Variants in MKLN1 observed in about 807,000 individuals in gnomAD.
MKLN1 encodes muskelin 1.
In MKLN1, 18 loss-of-function variants were observed where a neutral mutation model predicts 99.0. The ratio of observed to expected loss-of-function variants is 0.18; its 90% CI spans 0.13 to 0.27. MKLN1 has a LOEUF of 0.27. MKLN1 is among the 10% of genes least tolerant of loss of function. The probability of loss-of-function intolerance (pLI) is 1.00; values close to 1 mark genes in which losing one functional copy is unlikely to be tolerated. For missense variants in MKLN1, 621 were observed against 875.9 expected, an observed-to-expected ratio of 0.71 and a Z score of 3.67; for synonymous variants, 288 against 293.2, an observed-to-expected ratio of 0.98 and a Z score of 0.18.
At chr7:131,363,289 C>A (rs1216475911) in intron 1 of MKLN1, among the ~76,000 whole-genome samples, 1 of 151,380 alleles carries the variant, frequency 6.6e-6, no homozygotes, top group Non-Finnish European at 1.5e-5. Context: ...CTGAATAGAC[C>A]CCTTTAAATG....
Position 131,113,667 on chromosome 7 carries a change from CAAAAA to C in MKLN1, c.-419+3476_-419+3480del, listed in dbSNP as rs71168363. Among the ~76,000 whole-genome samples the C allele has an allele frequency of 8.6e-3, 832 of 96,472 alleles. 6 individuals are homozygous for C. The highest frequency in any genetic ancestry group is 0.029 in the African/African-American group (804 of 27,908). 63.3% of individuals were successfully genotyped at this position (96,472 alleles called of 152,430 possible). ...TGAAACCCCTGTCTCTACAAAAATA[CAAAAA>C]AAAAAAAAAAAAAAATTAGCCAGGC... On this transcript the variant is annotated intron_variant, in intron 1 of 7. Transcript: ENST00000416992.
chr7:131,174,272 C>G (rs1476119472), intron 2 of MKLN1, among the ~76,000 whole-genome samples: 3 of 152,102 alleles, frequency 2.0e-5, no homozygotes, highest in African/African-American at 7.2e-5. Flanking sequence ...GCGCCCCACC[C>G]TTTAAAGACT....
At chr7:131,401,449 G>C (rs1289623689) in intron 6 of MKLN1, among the ~76,000 whole-genome samples, 6 of 152,120 alleles carry the variant, frequency 3.9e-5, no homozygotes, top group Non-Finnish European at 8.8e-5. Context: ...CCTTTGCTGA[G>C]CTTATCTTAT....
chr7:131,340,125 A>G (rs543598693), intron 1 of MKLN1, among the ~76,000 whole-genome samples: 70 of 152,052 alleles, frequency 4.6e-4, no homozygotes, highest in African/African-American at 1.6e-3. Context: ...ACTCCTGTTT[A>G]TTCTCGAGCT....
intron 3 of MKLN1, among the ~76,000 whole-genome samples, chr7:131,278,315 G>C (rs1798004043): frequency 6.6e-6 from 1 of 152,108 alleles, no homozygotes; most frequent in Admixed American, 6.6e-5. Context: ...TGGGATTACA[G>C]GTATGAGCCA....
At chr7:131,426,620 A>G (rs1167349424) in intron 8 of MKLN1, among the ~76,000 whole-genome samples, 1 of 152,190 alleles carries the variant, frequency 6.6e-6, no homozygotes, top group East Asian at 1.9e-4. Flanking sequence ...AAAGTGTTTT[A>G]TGTACTGAAT....
At position 131,156,624 on chromosome 7, in the gene MKLN1, G is replaced by A. The variant is rs140826751; in HGVS notation, c.-297+13683G>A. On this transcript the variant is annotated intron_variant, in intron 2 of 7. Transcript: ENST00000416992. ...TATAATAAAGTGTTGAATTTCTCATGTAATTTACTGACTACTGTATTGCAA... is the reference window on the plus strand; with the variant it reads ...TATAATAAAGTGTTGAATTTCTCATATAATTTACTGACTACTGTATTGCAA... 5.9e-5 allele frequency among the ~76,000 whole-genome samples: 9 copies of A among 152,222 alleles called. No homozygotes were observed. In the East Asian group the frequency reaches 1.7e-3, roughly 29 times the overall value.
At chr7:131,157,913 G>C (rs1795992259) in intron 2 of MKLN1, among the ~76,000 whole-genome samples, 1 of 152,126 alleles carries the variant, frequency 6.6e-6, no homozygotes, top group Admixed American at 6.5e-5. Flanking sequence ...GGTTTCCGGA[G>C]CCTATTAAGG....
chr7:131,240,128 C>T (rs922563775), intron 3 of MKLN1, among the ~76,000 whole-genome samples: 2 of 152,070 alleles, frequency 1.3e-5, no homozygotes, highest in Non-Finnish European at 2.9e-5. Flanking sequence ...CTGCAGTGAG[C>T]CGTGATCATG....
chr7:131,367,922 A>G (rs1284884343), intron 1 of MKLN1, among the ~76,000 whole-genome samples: 1 of 152,206 alleles, frequency 6.6e-6, no homozygotes, highest in Non-Finnish European at 1.5e-5. Context: ...TTGAATTGAT[A>G]TCATGATTGA....
chr7:131,133,406 G>C (rs1171751082), intron 1 of MKLN1, among the ~76,000 whole-genome samples: 1 of 124,188 alleles, frequency 8.1e-6, no homozygotes, highest in Non-Finnish European at 1.6e-5. Flanking sequence ...CCAGGCTGGA[G>C]TGCAGTGGCG....
chr7:131,131,483 C>T (rs1180942210), intron 1 of MKLN1, among the ~76,000 whole-genome samples: 1 of 152,214 alleles, frequency 6.6e-6, no homozygotes, highest in Non-Finnish European at 1.5e-5. Context: ...TGCAAAAACG[C>T]TTTTCATTCA....
intron 12 of MKLN1, among the ~76,000 whole-genome samples, chr7:131,456,036 ACT>A (rs1398079740): frequency 3.4e-5 from 3 of 87,992 alleles, no homozygotes; most frequent in Admixed American, 1.4e-4. Flanking sequence ...ACAGAGTGAG[ACT>A]CTGTCTCCAA....
intron 3 of MKLN1, chr7:131,285,250 G>T (rs1303166092): frequency 6.6e-6 from 1 of 152,374 alleles, no homozygotes; most frequent in Non-Finnish European, 1.5e-5. Context: ...AGGCAGAGTT[G>T]TTCCCTGAGG....
At chr7:131,133,695 C>T (rs1487827183) in intron 1 of MKLN1, among the ~76,000 whole-genome samples, 1 of 150,578 alleles carries the variant, frequency 6.6e-6, no homozygotes, top group Non-Finnish European at 1.5e-5. Flanking sequence ...ACTATGTTGA[C>T]CAGGCTAGTC....
chr7:131,259,964 G>T (rs1797709388), intron 3 of MKLN1, among the ~76,000 whole-genome samples: 1 of 152,126 alleles, frequency 6.6e-6, no homozygotes, highest in Non-Finnish European at 1.5e-5. Context: ...CATAGTGTCT[G>T]CCCAAAAGCT....
rs1439664356 is a variant in MKLN1, at chr7:131,496,116, A to C, written c.*8388A>C. Reference sequence around the variant, plus strand: ...ATTAGCTGAGATTCACACATTTTGCACCTCAGTAGTATTTCAGATGAGACT... The same window carrying C: ...ATTAGCTGAGATTCACACATTTTGCCCCTCAGTAGTATTTCAGATGAGACT... On this transcript the variant is annotated 3_prime_UTR_variant, in exon 18 of 18. Coordinates refer to ENST00000352689, the MANE Select transcript of MKLN1 (RefSeq NM_013255.5). 1 of 152,086 alleles carries C rather than the reference A, an allele frequency of 6.6e-6. No individual in the cohort carries two copies. Among genetic ancestry groups the C allele is most frequent in the Non-Finnish European group, 1.5e-5 (1 of 68,030 alleles). 9.4% of individuals were successfully genotyped at this position (152,086 alleles called of 1,614,324 possible). A position where few individuals can be genotyped will look rare whatever the true frequency, so the allele number is the denominator to read the frequency against.
intron 3 of MKLN1, among the ~76,000 whole-genome samples, chr7:131,308,923 C>A (rs1265373619): frequency 1.3e-5 from 2 of 152,166 alleles, no homozygotes; most frequent in African/African-American, 4.8e-5. Context: ...TGGACGAATA[C>A]AGATTTTACT....
At chr7:131,174,945 C>T (rs1360274114) in intron 2 of MKLN1, among the ~76,000 whole-genome samples, 2 of 147,582 alleles carry the variant, frequency 1.4e-5, no homozygotes, top group Non-Finnish European at 3.0e-5. Flanking sequence ...TCCCTGATAA[C>T]TGGTAGATGA....
Sources: allele counts gnomAD v4.1 joint callset (sites outside exome capture counted in the v4.1 genomes callset), GRCh38; gene constraint gnomAD v4.1.1; transcripts MANE v1.5; gene names NCBI Gene and HGNC (gene_info 2026-07-23, HGNC 2026-07-21).